Variants in L3MBTL4 observed in about 807,000 individuals in gnomAD.
The protein encoded by L3MBTL4 is lethal(3)malignant brain tumor-like protein 4.
A neutral mutation model predicts 84.5 loss-of-function variants in L3MBTL4; 70 were observed. The ratio of observed to expected loss-of-function variants is 0.83; its 90% CI spans 0.68 to 1.01. The LOEUF (loss-of-function observed/expected upper bound fraction) is 1.01. Among genes scored for constraint, L3MBTL4 ranks in the 50% least tolerant of loss-of-function variants. The pLI is 0.00. For missense variants in L3MBTL4, 715 were observed against 754.8 expected, an observed-to-expected ratio of 0.95 and a Z score of 0.62; for synonymous variants, 274 against 259.8, an observed-to-expected ratio of 1.05 and a Z score of -0.52.
intron 4 of L3MBTL4, among the ~76,000 whole-genome samples, chr18:6,271,762 G>A (rs1312793049): frequency 1.3e-5 from 2 of 152,162 alleles, no homozygotes; most frequent in African/African-American, 2.4e-5. Flanking sequence ...GGGAGGCAGC[G>A]TTGGAAGGAG....
intron 1 of L3MBTL4, among the ~76,000 whole-genome samples, chr18:6,392,256 A>T (rs976087935): frequency 1.3e-5 from 2 of 152,218 alleles, no homozygotes; most frequent in Admixed American, 1.3e-4. Flanking sequence ...CCTATTAATA[A>T]ATGGTGCTGG....
chr18:6,410,097 A>G (rs1273539156), intron 1 of L3MBTL4, among the ~76,000 whole-genome samples: 1 of 152,192 alleles, frequency 6.6e-6, no homozygotes, highest in African/African-American at 2.4e-5. Context: ...TAAGCTGCAC[A>G]GTCCTTAACG....
At chr18:6,403,470 C>G (rs932017293) in intron 1 of L3MBTL4, among the ~76,000 whole-genome samples, 20 of 152,152 alleles carry the variant, frequency 1.3e-4, no homozygotes, top group Admixed American at 2.0e-4. Flanking sequence ...TGGATACAAT[C>G]TATATATTGG....
At chr18:6,187,527 A>C (rs1210610525) in intron 12 of L3MBTL4, among the ~76,000 whole-genome samples, 52 of 152,296 alleles carry the variant, frequency 3.4e-4, no homozygotes, top group Non-Finnish European at 1.8e-4. Flanking sequence ...TTTTGCTTAA[A>C]ACTGTGTTGT....
rs114387290 is a variant in L3MBTL4, at chr18:6,044,026, T to C, written c.1444+36855A>G. Among the ~76,000 whole-genome samples the C allele has an allele frequency of 5.7e-3, 873 of 152,310 alleles. 9 individuals are homozygous for C. Among genetic ancestry groups the C allele is most frequent in the African/African-American group, 0.02 (849 of 41,570 alleles). The stretch of plus-strand genomic sequence containing the variant: ...CTCCATAAAATATATGTTGAATGGC[T>C]GAGCAAAAGACTTGAGTAAAAGGAT... On this transcript the variant is annotated intron_variant, in intron 16 of 18. Transcript: ENST00000317931.
At chr18:6,344,125 C>T (rs1391963077) in intron 1 of L3MBTL4, among the ~76,000 whole-genome samples, 4 of 151,590 alleles carry the variant, frequency 2.6e-5, no homozygotes, top group Admixed American at 1.3e-4. Flanking sequence ...TTATGTGAGA[C>T]GATCAACTTG....
chr18:6,360,238 G>A (rs1430408622), intron 1 of L3MBTL4, among the ~76,000 whole-genome samples: 1 of 152,110 alleles, frequency 6.6e-6, no homozygotes, highest in Non-Finnish European at 1.5e-5. Flanking sequence ...GGGGTGTGGA[G>A]GTGTGCACTG....
At chr18:6,154,978 A>G (rs940609738) in intron 13 of L3MBTL4, among the ~76,000 whole-genome samples, 1 of 152,222 alleles carries the variant, frequency 6.6e-6, no homozygotes, top group Admixed American at 6.5e-5. Context: ...TCAATCTAAA[A>G]AATATAAACT....
intron 1 of L3MBTL4, among the ~76,000 whole-genome samples, chr18:6,413,304 A>C (rs2056047242): frequency 6.6e-6 from 1 of 152,154 alleles, no homozygotes; most frequent in South Asian, 2.1e-4. Context: ...CATGCAATAC[A>C]TCCTCAATGT....
At position 6,047,087 on chromosome 18, in the gene L3MBTL4, T is replaced by TA. The variant is rs200455060; in HGVS notation, c.1444+33793dup. Among the ~76,000 whole-genome samples, 660 of 150,710 alleles carry TA rather than the reference T, an allele frequency of 4.4e-3. 5 individuals are homozygous for TA. The highest frequency in any genetic ancestry group is 0.014 in the African/African-American group (594 of 41,100). ...GACACTACAACCAATCCCACGGAAA[T>TA]AAAAAAAAATCCTCAGAGACTATTA... On this transcript the variant is annotated intron_variant, in intron 16 of 18. Transcript: ENST00000317931.
chr18:6,141,984 C>T (rs1357542862), intron 13 of L3MBTL4, among the ~76,000 whole-genome samples: 1 of 152,162 alleles, frequency 6.6e-6, no homozygotes, highest in Non-Finnish European at 1.5e-5. Context: ...CTTGAACCTG[C>T]CAGTTCTTTC....
intron 13 of L3MBTL4, among the ~76,000 whole-genome samples, chr18:6,153,844 A>G (rs2042991354): frequency 6.6e-6 from 1 of 152,182 alleles, no homozygotes; most frequent in Admixed American, 6.5e-5. Flanking sequence ...CCCTTCTGCC[A>G]TGATTGTAAG....
intron 1 of L3MBTL4, among the ~76,000 whole-genome samples, chr18:6,353,811 AT>A (rs5822893): frequency 0.28 from 42,150 of 151,796 alleles, 7,893 homozygotes; most frequent in African/African-American, 0.53. Context: ...AAGATATTCC[AT>A]TTTTTTACTG....
chr18:6,318,650 A>C (rs898213550), intron 1 of L3MBTL4, among the ~76,000 whole-genome samples: 8 of 152,066 alleles, frequency 5.3e-5, no homozygotes, highest in Non-Finnish European at 1.2e-4. Context: ...TTAGACCTAA[A>C]AAATGAGATA....
At position 6,296,091 on chromosome 18, in the gene L3MBTL4, G is replaced by A. The variant is rs189591022; in HGVS notation, c.127+5812C>T. ...AGAAAATACCAACATTAGATCCACT[G>A]ACATATAATTACTTTGCAAGAAAGT... On this transcript the variant is annotated intron_variant, in intron 4 of 18. Coordinates refer to ENST00000317931, the MANE Select transcript of L3MBTL4 (RefSeq NM_001330559.2). 9.8e-4 allele frequency among the ~76,000 whole-genome samples: 149 copies of A among 152,252 alleles called. 4 individuals carry two copies. In the South Asian group the frequency reaches 0.02, roughly 21 times the overall value.
intron 14 of L3MBTL4, 98 bp from the exon 15 acceptor site, chr18:6,093,626 T>C: frequency 1.0e-6 from 1 of 974,406 alleles, no homozygotes; most frequent in Non-Finnish European, 1.4e-6. Context: ...ATTTAAAAAT[T>C]GCATAGAAAC....
chr18:6,128,863 G>A (rs918306096), intron 14 of L3MBTL4, among the ~76,000 whole-genome samples: 22 of 152,208 alleles, frequency 1.4e-4, no homozygotes, highest in African/African-American at 4.6e-4. Context: ...CAGTTCAGAC[G>A]GAGGAAGGGC....
At chr18:6,167,927 A>C (rs1187201144) in intron 13 of L3MBTL4, among the ~76,000 whole-genome samples, 1 of 152,124 alleles carries the variant, frequency 6.6e-6, no homozygotes, top group African/African-American at 2.4e-5. Context: ...CTAGAAAACC[A>C]CATCATCTCA....
At chr18:6,283,523 AGTTTTAAAAACAGTCCTATAG>A (rs1405928639) in intron 4 of L3MBTL4, among the ~76,000 whole-genome samples, 2 of 152,222 alleles carry the variant, frequency 1.3e-5, no homozygotes, top group Admixed American at 6.5e-5. Context: ...TTCTCTAAAT[AGTTTTAAAAACAGTCCTATAG>A]GAACCTCCTA....
Sources: allele counts gnomAD v4.1 joint callset (sites outside exome capture counted in the v4.1 genomes callset), GRCh38; gene constraint gnomAD v4.1.1; transcripts MANE v1.5; gene names NCBI Gene and HGNC (gene_info 2026-07-23, HGNC 2026-07-21).